The following KDM4C variants were observed in gnomAD, a reference collection of about 807,000 sequenced individuals.
KDM4C encodes the protein lysine-specific demethylase 4C.
Under a neutral mutation model 129.3 loss-of-function variants are expected in KDM4C, and 81 were observed. The observed-to-expected ratio is 0.63, with a 90% CI of 0.52 to 0.75. The LOEUF is 0.75. Ranked by LOEUF, KDM4C falls within the 30% of genes least tolerant of loss-of-function variation. The pLI is 0.00. For synonymous variants in KDM4C, 573 were observed against 456.1 expected, an observed-to-expected ratio of 1.26 and a Z score of -3.26; for missense variants, 1,457 against 1,304.0, an observed-to-expected ratio of 1.12 and a Z score of -1.81.
At chr9:7,079,457 G>C (rs948966554) in intron 17 of KDM4C, among the ~76,000 whole-genome samples, 12 of 152,276 alleles carry the variant, frequency 7.9e-5, no homozygotes, top group African/African-American at 2.9e-4. Context: ...CAAGTAGCTA[G>C]TACTACAGGT....
In KDM4C at chr9:6,798,018, A is replaced by G. The variant is rs144270986; in HGVS notation, c.144+4886A>G. ...AGATCTCAGTATGTTGTGTTTCCCT[A>G]TGCAAGAAAATCTGATGTCTTAGGA... On this transcript the variant is annotated intron_variant, in intron 2 of 21. Coordinates refer to ENST00000381309, the MANE Select transcript of KDM4C (RefSeq NM_015061.6). 8.7e-3 allele frequency among the ~76,000 whole-genome samples: 1,322 copies of G among 152,296 alleles called. 12 individuals carry two copies. The highest frequency in any genetic ancestry group is 0.026 in the African/African-American group (1,088 of 41,572).
chr9:7,054,368 A>G (rs1249980705), intron 17 of KDM4C, among the ~76,000 whole-genome samples: 6 of 152,212 alleles, frequency 3.9e-5, no homozygotes, highest in Non-Finnish European at 8.8e-5. Context: ...GGCCGTAGTC[A>G]TAAGTGAATC....
chr9:6,950,554 C>G (rs926031445), intron 8 of KDM4C, among the ~76,000 whole-genome samples: 5 of 152,108 alleles, frequency 3.3e-5, no homozygotes, highest in Non-Finnish European at 7.3e-5. Flanking sequence ...TTTAAGCTGC[C>G]TCATTGTCCC....
intron 1 of KDM4C, among the ~76,000 whole-genome samples, chr9:6,739,528 A>C (rs1434140193): frequency 6.6e-6 from 1 of 152,220 alleles, no homozygotes; most frequent in African/African-American, 2.4e-5. Context: ...AGCATCAAAT[A>C]ACATTATCCA....
chr9:7,031,168 T>TATG (rs1564012132), intron 15 of KDM4C, among the ~76,000 whole-genome samples: 33 of 78,688 alleles, frequency 4.2e-4, no homozygotes, highest in African/African-American at 1.1e-3. Flanking sequence ...ATTTATTTAT[T>TATG]TATGTATGTT....
rs550663650 is a variant in KDM4C, at chr9:7,061,430, T to C, written c.2424+12230T>C. 5.9e-5 allele frequency among the ~76,000 whole-genome samples: 9 copies of C among 152,332 alleles called. No homozygotes were observed. In the East Asian group the frequency reaches 1.5e-3, roughly 26 times the overall value. ...TTCCATGAGGCTGTCCTTGGATGTC[T>C]GATAATCCTTGGTTGCTTGCCCATT... On this transcript the variant is annotated intron_variant, in intron 17 of 21. Transcript: ENST00000381309.
intron 1 of KDM4C, among the ~76,000 whole-genome samples, chr9:6,732,401 AGAAT>A (rs144811694): frequency 1.1e-5 from 1 of 91,266 alleles, no homozygotes; most frequent in African/African-American, 5.5e-5. Context: ...AAAAAAAAAA[AGAAT>A]GAGGCCGGAA....
intron 5 of KDM4C, among the ~76,000 whole-genome samples, chr9:6,859,050 T>G (rs1266906031): frequency 6.6e-6 from 1 of 152,194 alleles, no homozygotes; most frequent in Non-Finnish European, 1.5e-5. Flanking sequence ...TGCACATGTG[T>G]TCATTTTTTA....
intron 12 of KDM4C, among the ~76,000 whole-genome samples, chr9:7,007,418 C>T (rs1386021488): frequency 2.0e-5 from 3 of 152,176 alleles, no homozygotes; most frequent in African/African-American, 7.2e-5. Flanking sequence ...TCTTCAATTT[C>T]TGGCAAACCT....
intron 1 of KDM4C, among the ~76,000 whole-genome samples, chr9:6,780,766 C>G (rs985786779): frequency 2.2e-5 from 1 of 45,630 alleles, no homozygotes; most frequent in Non-Finnish European, 3.9e-5. Context: ...GAAACTCCCT[C>G]TCAAAAAAAA....
intron 8 of KDM4C, among the ~76,000 whole-genome samples, chr9:6,908,761 T>A (rs193211058): frequency 6.6e-6 from 1 of 152,238 alleles, no homozygotes; most frequent in Admixed American, 6.5e-5. Flanking sequence ...TCTGCCTGGG[T>A]TTGAATCCTA....
At chr9:6,960,873 G>A (rs1475633843) in intron 8 of KDM4C, among the ~76,000 whole-genome samples, 4 of 150,696 alleles carry the variant, frequency 2.7e-5, no homozygotes, top group African/African-American at 7.3e-5. Context: ...AATCACCTCA[G>A]TTGAGAACCA....
intron 1 of KDM4C, among the ~76,000 whole-genome samples, chr9:6,751,580 C>G (rs1434719677): frequency 2.0e-5 from 3 of 152,166 alleles, no homozygotes; most frequent in African/African-American, 7.2e-5. Context: ...TACAATTTAT[C>G]ACAACAGGGA....
intron 19 of KDM4C, among the ~76,000 whole-genome samples, chr9:7,139,668 T>G (rs151162566): frequency 4.7e-4 from 72 of 152,352 alleles, no homozygotes; most frequent in African/African-American, 1.7e-3. Flanking sequence ...AATTTTGAAA[T>G]AATTTATGTA....
chr9:7,020,833 C>T (rs1358871157), intron 15 of KDM4C, among the ~76,000 whole-genome samples: 2 of 151,788 alleles, frequency 1.3e-5, no homozygotes, highest in African/African-American at 2.4e-5. Flanking sequence ...ATACTCATTG[C>T]GTTACTTTAA....
chr9:6,909,536 C>A (rs1047329473), intron 8 of KDM4C, among the ~76,000 whole-genome samples: 2 of 152,110 alleles, frequency 1.3e-5, no homozygotes, highest in Non-Finnish European at 2.9e-5. Context: ...GTCTTTGCCA[C>A]TGTCTGATGT....
At chr9:6,884,704 C>G (rs1196544477) in intron 6 of KDM4C, among the ~76,000 whole-genome samples, 2 of 152,118 alleles carry the variant, frequency 1.3e-5, no homozygotes, top group African/African-American at 4.8e-5. Context: ...CTATCATTAT[C>G]TTCACCAAAT....
At position 6,986,516 on chromosome 9, in the gene KDM4C, G is replaced by A. The variant is rs753344826; in HGVS notation, c.1527G>A (p.Lys509=). Residue 509 remains lysine, a synonymous_variant, in exon 11 of 22, where the codon AAG becomes AAA. Coordinates refer to ENST00000381309, the MANE Select transcript of KDM4C (RefSeq NM_015061.6). The part of the protein sequence containing the change: ...KSDPSELSWP[K]SPESCSSVAE... ...ACCCATCCGAGCTTTCATGGCCAAA[G>A]TCACCTGAGTCATGCTCATCAGTGG... The A allele has an allele frequency of 2.5e-6, 4 of 1,614,158 alleles. No individual in the cohort carries two copies. The South Asian group carries it at 4.4e-5, about 18-fold the overall frequency.
intron 12 of KDM4C, among the ~76,000 whole-genome samples, chr9:7,001,729 CA>C (rs1208286442): frequency 2.2e-4 from 33 of 151,610 alleles, no homozygotes; most frequent in Non-Finnish European, 4.6e-4. Flanking sequence ...CCAAAGCTGA[CA>C]TCTTTTTTTT....
Sources: allele counts gnomAD v4.1 joint callset (sites outside exome capture counted in the v4.1 genomes callset), GRCh38; gene constraint gnomAD v4.1.1; transcripts MANE v1.5; gene names NCBI Gene and HGNC (gene_info 2026-07-23, HGNC 2026-07-21).